Variants in DYNC1H1 observed in about 807,000 individuals in gnomAD.
DYNC1H1 encodes cytoplasmic dynein 1 heavy chain 1.
DYNC1H1 carries 51 observed loss-of-function variants against 527.1 expected under a neutral mutation model. That is an observed-to-expected ratio of 0.10 (90% confidence interval 0.08 to 0.12). DYNC1H1 has a LOEUF of 0.12. DYNC1H1 is among the 10% of genes least tolerant of loss of function. DYNC1H1 has a pLI of 1.00. For synonymous variants in DYNC1H1, 2,189 were observed against 2,278.8 expected (o/e 0.96, Z 1.12); for missense variants, 2,771 against 5,971.8 (o/e 0.46, Z 17.66).
Position 102,012,398 on chromosome 14 carries a change from C to T in DYNC1H1, c.6942C>T (p.Asn2314=). Reference sequence around the variant, plus strand: ...ATGTGGATCCAGAGTGGGTTGAGAACTTGAACTCAGTGCTGGATGACAATA... The same window carrying T: ...ATGTGGATCCAGAGTGGGTTGAGAATTTGAACTCAGTGCTGGATGACAATA... ...DGDVDPEWVE[N]LNSVLDDNKL... Residue 2314 remains asparagine, a synonymous_variant, in exon 34 of 78, where the codon AAC becomes AAT. Transcript: ENST00000360184. This position sits in a 1 kb window ranked among gnomAD's most constrained non-coding sequence, Gnocchi z 4.9. 6.2e-7 allele frequency: 1 copy of T among 1,614,222 alleles called. No homozygotes were observed. The highest frequency in any genetic ancestry group is 8.5e-7 in the Non-Finnish European group (1 of 1,180,034).
chr14:101,997,567 T>G lies in DYNC1H1; in HGVS notation c.3804+293T>G, dbSNP rs1379240687. ...GCGCAGAAATTAGAGTTTAATTTCC[T>G]GTAGACAAAGGCCAAGCTTTCCACT... is the stretch of plus-strand genomic sequence containing the variant. On this transcript the variant is annotated intron_variant, in intron 16 of 77. Coordinates refer to ENST00000360184, the MANE Select transcript of DYNC1H1 (RefSeq NM_001376.5). The surrounding 1 kb of genome is among the most constrained non-coding windows in gnomAD (Gnocchi z 4.8). Among the ~76,000 whole-genome samples the G allele has an allele frequency of 6.6e-6, 1 of 152,204 alleles. No individual in the cohort carries two copies. Among genetic ancestry groups the G allele is most frequent in the Non-Finnish European group, 1.5e-5 (1 of 68,034 alleles).
At position 102,020,089 on chromosome 14, in the gene DYNC1H1, T is replaced by C; in HGVS notation, c.8507+33T>C. The stretch of plus-strand genomic sequence containing the variant: ...AAGCCGAGGATCCAGTTGGTCCCAT[T>C]CTCCCCTGCTCTGAGTTCTTACAGC... On this transcript the variant is annotated intron_variant, in intron 42 of 77. Transcript: ENST00000360184. The surrounding 1 kb of genome is among the most constrained non-coding windows in gnomAD (Gnocchi z 4.3). 6.2e-7 allele frequency: 1 copy of C among 1,611,602 alleles called. No homozygotes were observed. Among genetic ancestry groups the C allele is most frequent in the Non-Finnish European group, 8.5e-7 (1 of 1,178,980 alleles).
At chr14:102,008,937 G>A (rs2048228097) in intron 29 of DYNC1H1, among the ~76,000 whole-genome samples, 1 of 152,228 alleles carries the variant, frequency 6.6e-6, no homozygotes, top group Admixed American at 6.5e-5. Context: ...CTTAGAGCTT[G>A]TGTGTTCCCT....
chr14:102,000,135 G>A lies in DYNC1H1; in HGVS notation c.3951G>A (p.Glu1317=), dbSNP rs1181633897. The change falls in exon 17 of 78, where the codon GAG becomes GAA. Residue 1317 remains glutamate, a synonymous_variant. Transcript: ENST00000360184. ...TDTGLLSGSE[E]RVQVALEELQ... The stretch of plus-strand genomic sequence containing the variant: ...CTGGGCTTCTCAGTGGCAGTGAAGA[G>A]CGCGTGCAGGTATGAACCACTGGGG... 2 of 1,614,232 alleles carry A rather than the reference G, an allele frequency of 1.2e-6. No homozygotes were observed. The highest frequency in any genetic ancestry group is 2.2e-5 in the East Asian group (1 of 44,884).
In DYNC1H1 at chr14:102,038,726, G is replaced by A; in HGVS notation, c.11084G>A (p.Arg3695Gln). The A allele has an allele frequency of 6.2e-7, 1 of 1,614,136 alleles. No homozygotes were observed. The highest frequency in any genetic ancestry group is 8.5e-7 in the Non-Finnish European group (1 of 1,180,030). The part of the protein sequence containing the change: ...TVEFPPDLCS[R>Q]VTFVNFTVTR... ...GAGTTCCCACCAGATCTCTGTTCCC[G>A]GGTTACTTTTGTAAACTTCACAGTT... Residue 3695 changes from arginine (R) to glutamine (Q), a missense_variant, in exon 59 of 78, where the codon CGG becomes CAG. By Grantham distance (43) the Arg-to-Gln change is conservative. Transcript: ENST00000360184. The surrounding 1 kb of genome is among the most constrained non-coding windows in gnomAD (Gnocchi z 7.2).
At position 102,044,005 on chromosome 14, in the gene DYNC1H1, C is replaced by G. The variant is rs1452868593; in HGVS notation, c.12644C>G (p.Ala4215Gly). 1 of 1,614,204 alleles carries G rather than the reference C, an allele frequency of 6.2e-7. No individual in the cohort carries two copies. Among genetic ancestry groups the G allele is most frequent in the South Asian group, 1.1e-5 (1 of 91,090 alleles). The change falls in exon 70 of 78, where the codon GCT (alanine) becomes GGT (glycine). Residue 4215 changes from alanine (A) to glycine (G), a missense_variant. This residue lies in a region of DYNC1H1 where 195 missense variants were observed against 428.6 expected (regional missense o/e 0.45). Transcript: ENST00000360184. The surrounding 1 kb of genome is among the most constrained non-coding windows in gnomAD (Gnocchi z 7.1). ...TTTGGAGAGTCTGACCTGCGGTCAGCTTGCGATACGGTGGACACGTGGCTG... is the reference window on the plus strand; with the variant it reads ...TTTGGAGAGTCTGACCTGCGGTCAGGTTGCGATACGGTGGACACGTGGCTG... ...YEFGESDLRS[A>G]CDTVDTWLDD...
chr14:101,972,143 A>G (rs1244468509), intron 1 of DYNC1H1, among the ~76,000 whole-genome samples: 1 of 152,224 alleles, frequency 6.6e-6, no homozygotes, highest in Non-Finnish European at 1.5e-5. Flanking sequence ...GCTTATAAAT[A>G]TAACAGGGCT....
Position 102,027,899 on chromosome 14 carries a change from C to G in DYNC1H1, c.9264-38C>G. ...TGTCCTTCCAAGGGACAAAGCCTGC[C>G]CCTCATAGCTGTCCTGAAACATGGG... On this transcript the variant is annotated intron_variant, in intron 47 of 77. Coordinates refer to ENST00000360184, the MANE Select transcript of DYNC1H1 (RefSeq NM_001376.5). The surrounding 1 kb of genome is among the most constrained non-coding windows in gnomAD (Gnocchi z 7.7). 1 of 1,614,150 alleles carries G rather than the reference C, an allele frequency of 6.2e-7. No homozygotes were observed.
At chr14:102,021,487 C>T (rs907935754) in intron 42 of DYNC1H1, among the ~76,000 whole-genome samples, 3 of 152,114 alleles carry the variant, frequency 2.0e-5, no homozygotes, top group Non-Finnish European at 4.4e-5. Context: ...TAAGTATATA[C>T]CTGCCTTCAC....
chr14:102,019,561 A>C (rs1007012569), intron 41 of DYNC1H1, among the ~76,000 whole-genome samples: 5 of 152,246 alleles, frequency 3.3e-5, no homozygotes, highest in Non-Finnish European at 7.3e-5. Context: ...AGCAGCTTGA[A>C]TCTAACTTTG....
chr14:102,001,646 A>G lies in DYNC1H1; in HGVS notation c.4507A>G (p.Ser1503Gly). 1 of 1,614,242 alleles carries G rather than the reference A, an allele frequency of 6.2e-7. No homozygotes were observed. Among genetic ancestry groups the G allele is most frequent in the Non-Finnish European group, 8.5e-7 (1 of 1,180,042 alleles). Reference sequence around the variant, plus strand: ...CAACAAGGTCAAAGAACACATCAACAGCGTCTCGGCCATGAAGCTCTCTCC... The same window carrying G: ...CAACAAGGTCAAAGAACACATCAACGGCGTCTCGGCCATGAAGCTCTCTCC... ...LFNKVKEHIN[S>G]VSAMKLSPYY... Residue 1503 changes from serine (S) to glycine (G), a missense_variant, in exon 21 of 78, where the codon AGC (serine) becomes GGC (glycine). Physicochemically the swap from Ser to Gly is moderately conservative, Grantham distance 56. Coordinates refer to ENST00000360184, the MANE Select transcript of DYNC1H1 (RefSeq NM_001376.5). The surrounding 1 kb of genome is among the most constrained non-coding windows in gnomAD (Gnocchi z 5.0).
Position 102,016,814 on chromosome 14 carries a change from A to G in DYNC1H1, c.7663A>G (p.Ile2555Val), listed in dbSNP as rs2152582658. ...WSPWQAKVPQ[I>V]EVETHKVAAP... ...TCCGTGGCAGGCCAAGGTGCCTCAG[A>G]TTGAAGTGGAGACGCACAAGGTGGC... The change falls in exon 38 of 78, where the codon ATT (isoleucine) becomes GTT (valine). Residue 2555 changes from isoleucine to valine, a missense_variant. Ile to Val is a conservative substitution (Grantham distance 29). Coordinates refer to ENST00000360184, the MANE Select transcript of DYNC1H1 (RefSeq NM_001376.5). The surrounding 1 kb of genome is among the most constrained non-coding windows in gnomAD (Gnocchi z 7.3). 1.9e-6 allele frequency: 3 copies of G among 1,613,976 alleles called. No homozygotes were observed. Among genetic ancestry groups the G allele is most frequent in the Non-Finnish European group, 1.7e-6 (2 of 1,180,022 alleles).
At chr14:102,050,048 G>C in intron 76 of DYNC1H1, 23 bp from the exon 77 acceptor site, 3 of 1,533,420 alleles carry the variant, frequency 2.0e-6, no homozygotes, top group Non-Finnish European at 2.6e-6. Flanking sequence ...ACCTCAGCCT[G>C]GGTTTTGGCT....
Position 102,033,658 on chromosome 14 carries a change from G to A in DYNC1H1, c.10413+174G>A, listed in dbSNP as rs1007186090. 81 of 825,586 alleles carry A rather than the reference G, an allele frequency of 9.8e-5. No individual in the cohort carries two copies. Among genetic ancestry groups the A allele is most frequent in the Non-Finnish European group, 1.4e-4 (74 of 511,540 alleles). 51.1% of individuals were successfully genotyped at this position (825,586 alleles called of 1,614,324 possible). A position where few individuals can be genotyped will look rare whatever the true frequency, so the allele number is the denominator to read the frequency against. On this transcript the variant is annotated intron_variant, in intron 54 of 77. Transcript: ENST00000360184. The surrounding 1 kb of genome is among the most constrained non-coding windows in gnomAD (Gnocchi z 5.6). ...AATACACACTGAGTAGTCACTAAGT[G>A]TTGTTAATTAGGATAGATTGATACA...
rs1040477374 is a variant in DYNC1H1 at position 102,030,425 on chromosome 14, G to A, written c.9883+143G>A. 7.7e-5 allele frequency: 96 copies of A among 1,253,794 alleles called. No homozygotes were observed. In the African/African-American group the frequency reaches 1.3e-3, roughly 17 times the overall value. The allele number at this position is 1,253,794 out of a possible 1,614,324, so 77.7% of individuals were successfully genotyped here. On this transcript the variant is annotated intron_variant, in intron 51 of 77. Transcript: ENST00000360184. The stretch of plus-strand genomic sequence containing the variant: ...AAAATATCATTAGTAACCATCTGAA[G>A]CTTTTTCTGAATGCTTGAGATTGTC...
Position 101,983,930 on chromosome 14 carries a change from G to C in DYNC1H1, c.1461+321G>C, listed in dbSNP as rs7152696. 0.12 allele frequency among the ~76,000 whole-genome samples: 17,825 copies of C among 152,034 alleles called. 1,671 individuals carry two copies. Among genetic ancestry groups the C allele is most frequent in the African/African-American group, 0.26 (10,614 of 41,410 alleles). ...GCCTTCAAGTGTTCCACCTGCCTCGGCCTCCCAAAGTGCCGGGATTATAGA... is the reference window on the plus strand; with the variant it reads ...GCCTTCAAGTGTTCCACCTGCCTCGCCCTCCCAAAGTGCCGGGATTATAGA... On this transcript the variant is annotated intron_variant, in intron 7 of 77. Transcript: ENST00000360184. This position sits in a 1 kb window ranked among gnomAD's most constrained non-coding sequence, Gnocchi z 5.3.
chr14:102,047,479 G>A (rs1011537418), intron 72 of DYNC1H1, among the ~76,000 whole-genome samples: 1 of 151,886 alleles, frequency 6.6e-6, no homozygotes, highest in African/African-American at 2.4e-5. Flanking sequence ...AGAGGTTGCA[G>A]TGAGCCAAGG....
In DYNC1H1 at chr14:102,039,828, CTCTTT is replaced by C. The variant is rs1328219734; in HGVS notation, c.11690+98_11690+102del. On this transcript the variant is annotated intron_variant, in intron 62 of 77. Coordinates refer to ENST00000360184, the MANE Select transcript of DYNC1H1 (RefSeq NM_001376.5). This position sits in a 1 kb window ranked among gnomAD's most constrained non-coding sequence, Gnocchi z 7.0. Reference sequence around the variant, plus strand: ...ATGCTTTTATTATTTCTTTTATTTTCTCTTTTATTTTCTTTATTTTATTTTTTGAG... The same window carrying C: ...ATGCTTTTATTATTTCTTTTATTTTCTATTTTCTTTATTTTATTTTTTGAG... 29 of 1,236,830 alleles carry C rather than the reference CTCTTT, an allele frequency of 2.3e-5. No homozygotes were observed. Among genetic ancestry groups the C allele is most frequent in the East Asian group, 1.3e-4 (5 of 37,222 alleles). 76.6% of individuals were successfully genotyped at this position (1,236,830 alleles called of 1,614,324 possible). A position where few individuals can be genotyped will look rare whatever the true frequency, so the allele number is the denominator to read the frequency against.
intron 1 of DYNC1H1, among the ~76,000 whole-genome samples, chr14:101,969,084 C>T (rs1271841731): frequency 6.6e-6 from 1 of 152,018 alleles, no homozygotes. Flanking sequence ...GTGGCACGAT[C>T]TCAGCTCACT....
Sources: gnomAD v4.1 joint callset for allele counts (sites outside exome capture counted in the v4.1 genomes callset) on GRCh38, gnomAD v4.1.1 for gene constraint, gnomAD v4.1.1 regional missense constraint, Gnocchi (gnomAD v3.1) non-coding constraint, MANE v1.5 for transcripts, NCBI Gene and HGNC (gene_info 2026-07-23, HGNC 2026-07-21) for gene names.